Variants in CDC42EP3 observed in about 807,000 individuals in gnomAD.
The protein encoded by CDC42EP3 is CDC42 effector protein (Rho GTPase binding) 3.
Under a neutral mutation model 15.5 loss-of-function variants are expected in CDC42EP3, and 4 were observed. That is an observed-to-expected ratio of 0.26 (90% CI 0.13 to 0.59). The LOEUF (loss-of-function observed/expected upper bound fraction) is 0.59. Among genes scored for constraint, CDC42EP3 ranks in the 20% least tolerant of loss-of-function variants. The pLI, the probability that CDC42EP3 is intolerant of heterozygous loss-of-function variation, is 0.89. For missense variants in CDC42EP3, 309 were observed against 311.2 expected, an observed-to-expected ratio of 0.99 and a Z score of 0.05; for synonymous variants, 145 against 130.3, an observed-to-expected ratio of 1.11 and a Z score of -0.77.
At chr2:37,666,419 C>T (rs1666252355) in intron 1 of CDC42EP3, among the ~76,000 whole-genome samples, 1 of 152,172 alleles carries the variant, frequency 6.6e-6, no homozygotes, top group South Asian at 2.1e-4. Flanking sequence ...TACCCTGTTA[C>T]CTAATTGCAG....
chr2:37,662,726 A>G (rs1189230428), intron 1 of CDC42EP3, among the ~76,000 whole-genome samples: 1 of 152,178 alleles, frequency 6.6e-6, no homozygotes, highest in Non-Finnish European at 1.5e-5. Context: ...AACTTAATAG[A>G]AGGCCAAAAA....
chr2:37,656,446 G>A (rs545021457), intron 1 of CDC42EP3, among the ~76,000 whole-genome samples: 13 of 152,146 alleles, frequency 8.5e-5, no homozygotes, highest in East Asian at 3.8e-4. Flanking sequence ...ACTTGCTCCC[G>A]GGGGCCAAAC....
In CDC42EP3 at chr2:37,646,135, T is replaced by C. The variant is rs1284446811; in HGVS notation, c.453A>G (p.Glu151=). 1 of 1,614,104 alleles carries C rather than the reference T, an allele frequency of 6.2e-7. No homozygotes were observed. Among genetic ancestry groups the C allele is most frequent in the Non-Finnish European group, 8.5e-7 (1 of 1,180,050 alleles). ...ACAGACTGCTTTTCTCCTGAGCTTT[T>C]TCCTCCATGACGGGCTCGCAGCTAA... is the stretch of plus-strand genomic sequence containing the variant. The part of the protein sequence containing the change: ...PRLSCEPVME[E]KAQEKSSLLE... The change falls in exon 2 of 2, where the codon GAA becomes GAG. Residue 151 remains glutamate (E), a synonymous_variant. Transcript: ENST00000295324.
chr2:37,655,803 CAGT>C (rs1386318208), intron 1 of CDC42EP3, among the ~76,000 whole-genome samples: 2 of 152,202 alleles, frequency 1.3e-5, no homozygotes, highest in African/African-American at 4.8e-5. Context: ...AAGTTTTCAG[CAGT>C]ATTCAGCCAG....
intron 1 of CDC42EP3, among the ~76,000 whole-genome samples, chr2:37,670,555 C>A (rs575583029): frequency 8.8e-4 from 133 of 150,328 alleles, no homozygotes; most frequent in African/African-American, 3.2e-3. Flanking sequence ...GGGGCTTTTA[C>A]TCCTTTCAAC....
In CDC42EP3 at chr2:37,643,997, A is replaced by G. The variant is rs1251858660; in HGVS notation, c.*1826T>C. 1 of 115,660 alleles carries G rather than the reference A, an allele frequency of 8.6e-6. No individual in the cohort carries two copies. Among genetic ancestry groups the G allele is most frequent in the Non-Finnish European group, 1.8e-5 (1 of 55,264 alleles). The allele number at this position is 115,660 out of a possible 1,614,324, so 7.2% of individuals were successfully genotyped here. ...GATTTTTTTTTTTTTTTTTTTTTGC[A>G]ATTTTCTATTTTTATTTTTTTAAGC... On this transcript the variant is annotated 3_prime_UTR_variant, in exon 2 of 2. Coordinates refer to ENST00000295324, the MANE Select transcript of CDC42EP3 (RefSeq NM_006449.5).
At position 37,645,893 on chromosome 2, in the gene CDC42EP3, A is replaced by G. The variant is rs1665435380; in HGVS notation, c.695T>C (p.Leu232Pro). 1 of 1,603,724 alleles carries G rather than the reference A, an allele frequency of 6.2e-7. No individual in the cohort carries two copies. The change falls in exon 2 of 2, where the codon CTC becomes CCC. Residue 232 changes from leucine to proline, a missense_variant. Physicochemically the swap from Leu to Pro is moderately conservative, Grantham distance 98. Coordinates refer to ENST00000295324, the MANE Select transcript of CDC42EP3 (RefSeq NM_006449.5). ...GGGCCCAAGATCAAGCTGCAGGGAGAGGAGGGAACCTGTAAGGTCAGAGAG... is the reference window on the plus strand; with the variant it reads ...GGGCCCAAGATCAAGCTGCAGGGAGGGGAGGGAACCTGTAAGGTCAGAGAG... ...ESLSDLTGSL[L>P]SLQLDLGPSL...
chr2:37,646,591 G>C lies in CDC42EP3; in HGVS notation c.-4C>G, dbSNP rs181184587. On this transcript the variant is annotated 5_prime_UTR_variant, in exon 2 of 2. Transcript: ENST00000295324. The stretch of plus-strand genomic sequence containing the variant: ...AAATTGGGGTCTTGGCTGGCATTTT[G>C]GAATTTGAGAATGTCTATTTTGCAA... 325 of 1,528,646 alleles carry C rather than the reference G, an allele frequency of 2.1e-4. No individual in the cohort carries two copies. The East Asian group carries it at 7.1e-3, about 33-fold the overall frequency. 94.7% of individuals were successfully genotyped at this position (1,528,646 alleles called of 1,614,324 possible).
At chr2:37,651,739 G>T (rs1665685999) in intron 1 of CDC42EP3, among the ~76,000 whole-genome samples, 1 of 152,208 alleles carries the variant, frequency 6.6e-6, no homozygotes, top group Non-Finnish European at 1.5e-5. Context: ...AGCGAGGAGG[G>T]AAGTGCAGGC....
In CDC42EP3 at chr2:37,643,918, T is replaced by G. The variant is rs1310458178; in HGVS notation, c.*1905A>C. The G allele has an allele frequency of 6.6e-6, 1 of 151,188 alleles. No homozygotes were observed. The highest frequency in any genetic ancestry group is 2.4e-5 in the African/African-American group (1 of 41,166). 9.4% of individuals were successfully genotyped at this position (151,188 alleles called of 1,614,324 possible). A position where few individuals can be genotyped will look rare whatever the true frequency, so the allele number is the denominator to read the frequency against. ...TGCCCTAGGGCAAGCTTGTCCAACC[T>G]GTGGCCCGCATGAAGTCCAACACAA... On this transcript the variant is annotated 3_prime_UTR_variant, in exon 2 of 2. Coordinates refer to ENST00000295324, the MANE Select transcript of CDC42EP3 (RefSeq NM_006449.5).
chr2:37,661,512 C>T (rs1050724866), intron 1 of CDC42EP3, among the ~76,000 whole-genome samples: 1 of 152,126 alleles, frequency 6.6e-6, no homozygotes, highest in African/African-American at 2.4e-5. Context: ...ATTACCTGGA[C>T]CGAGAGCCGG....
chr2:37,646,146 C>T lies in CDC42EP3; in HGVS notation c.442G>A (p.Val148Ile), dbSNP rs111299598. 43 of 1,614,198 alleles carry T rather than the reference C, an allele frequency of 2.7e-5. 1 individual carries two copies. The South Asian group carries it at 3.1e-4, about 12-fold the overall frequency. Residue 148 changes from valine (V) to isoleucine (I), a missense_variant, in exon 2 of 2, where the codon GTC (valine) becomes ATC (isoleucine). Physicochemically the swap from Val to Ile is conservative, Grantham distance 29. Transcript: ENST00000295324. ...AKLPRLSCEP[V>I]MEEKAQEKSS... Reference sequence around the variant, plus strand: ...TTCTCCTGAGCTTTTTCCTCCATGACGGGCTCGCAGCTAAGCCTGGGCAGC... The same window carrying T: ...TTCTCCTGAGCTTTTTCCTCCATGATGGGCTCGCAGCTAAGCCTGGGCAGC...
intron 1 of CDC42EP3, among the ~76,000 whole-genome samples, chr2:37,664,548 C>A (rs1016627099): frequency 1.3e-5 from 2 of 152,032 alleles, no homozygotes; most frequent in Non-Finnish European, 2.9e-5. Context: ...TCTAGAGAAC[C>A]CTGACTAATA....
intron 1 of CDC42EP3, among the ~76,000 whole-genome samples, chr2:37,650,650 G>A (rs907354886): frequency 9.2e-5 from 14 of 152,332 alleles, no homozygotes; most frequent in African/African-American, 3.4e-4. Flanking sequence ...AAGCCACATG[G>A]CTGGGCTCTG....
At chr2:37,665,472 AAAAT>A (rs1351907678) in intron 1 of CDC42EP3, among the ~76,000 whole-genome samples, 5 of 152,254 alleles carry the variant, frequency 3.3e-5, no homozygotes, top group Non-Finnish European at 5.9e-5. Context: ...AAAAGTTTAA[AAAAT>A]AAATAAAAAG....
At chr2:37,669,330 C>T (rs188109953) in intron 1 of CDC42EP3, among the ~76,000 whole-genome samples, 1 of 151,250 alleles carries the variant, frequency 6.6e-6, no homozygotes, top group East Asian at 1.9e-4. Flanking sequence ...ATGAAAAAAG[C>T]ACAGCTTTTG....
chr2:37,652,043 C>T (rs908851835), intron 1 of CDC42EP3, among the ~76,000 whole-genome samples: 7 of 151,798 alleles, frequency 4.6e-5, no homozygotes, highest in Non-Finnish European at 1.0e-4. Context: ...GGCCTGGTGG[C>T]AGGCGCCTGT....
rs751738196 is a variant in CDC42EP3, at chr2:37,645,924, C to T, written c.664G>A (p.Glu222Lys). 1.9e-6 allele frequency: 3 copies of T among 1,613,454 alleles called. No homozygotes were observed. The Admixed American group carries it at 5.0e-5, about 27-fold the overall frequency. ...ELIKGKTKSE[E>K]SLSDLTGSLL... ...GAACCTGTAAGGTCAGAGAGGGACT[C>T]CTCTGACTTAGTCTTTCCCTTGATG... is the stretch of plus-strand genomic sequence containing the variant. The change falls in exon 2 of 2, where the codon GAG becomes AAG. Residue 222 changes from glutamate (E) to lysine (K), a missense_variant. Transcript: ENST00000295324.
At chr2:37,667,466 T>C (rs1666282015) in intron 1 of CDC42EP3, among the ~76,000 whole-genome samples, 1 of 152,166 alleles carries the variant, frequency 6.6e-6, no homozygotes, top group Non-Finnish European at 1.5e-5. Flanking sequence ...AGAGCTTCAC[T>C]TCATCCCCAG....
Sources: gnomAD v4.1 joint callset for allele counts (sites outside exome capture counted in the v4.1 genomes callset) on GRCh38, gnomAD v4.1.1 for gene constraint, MANE v1.5 for transcripts, NCBI Gene and HGNC (gene_info 2026-07-23, HGNC 2026-07-21) for gene names.